Variants in BICRAL observed in about 807,000 individuals in gnomAD.
The protein encoded by BICRAL is BICRA like chromatin remodeling complex associated protein.
BICRAL carries 8 observed loss-of-function variants against 91.8 expected under a neutral mutation model. That is an observed-to-expected ratio of 0.09 (90% confidence interval 0.05 to 0.16). The LOEUF (loss-of-function observed/expected upper bound fraction) is 0.16. Ranked by LOEUF, BICRAL falls within the 10% of genes least tolerant of loss-of-function variation. The probability of loss-of-function intolerance (pLI) is 1.00; values close to 1 mark genes in which losing one functional copy is unlikely to be tolerated. For synonymous variants in BICRAL, 445 were observed against 491.1 expected (o/e 0.91, Z 1.24); for missense variants, 1,038 against 1,310.9 (o/e 0.79, Z 3.21).
At chr6:42,756,919 T>TCCCCCCCCCC (rs780265578) in intron 1 of BICRAL, among the ~76,000 whole-genome samples, 1 of 69,358 alleles carries the variant, frequency 1.4e-5, no homozygotes, top group African/African-American at 5.8e-5. Flanking sequence ...TCTCTCCCTC[T>TCCCCCCCCCC]CCCCCCCCCC....
intron 1 of BICRAL, among the ~76,000 whole-genome samples, chr6:42,750,639 G>T (rs556657942): frequency 2.6e-5 from 4 of 151,992 alleles, no homozygotes; most frequent in Admixed American, 2.6e-4. Context: ...GCAATGGCGC[G>T]ATCTCGGCTT....
At chr6:42,782,852 A>T (rs1762960892) in intron 1 of BICRAL, among the ~76,000 whole-genome samples, 1 of 151,802 alleles carries the variant, frequency 6.6e-6, no homozygotes, top group South Asian at 2.1e-4. Flanking sequence ...GGCGAGGAAG[A>T]AAAATAAGCT....
rs533007764 is a variant in BICRAL at position 42,805,121 on chromosome 6, G to A, written c.-101-5185G>A. On this transcript the variant is annotated intron_variant, in intron 1 of 12. Transcript: ENST00000314073. ...TTCAGAATTCTGGGCAGAGAATTCT[G>A]AAGACAGGCTGAGGTTGTCAGAGAA... Among the ~76,000 whole-genome samples, 5 of 152,366 alleles carry A rather than the reference G, an allele frequency of 3.3e-5. No individual in the cohort carries two copies. The South Asian group carries it at 1.0e-3, about 32-fold the overall frequency.
chr6:42,847,108 G>A (rs1426035810), intron 6 of BICRAL, among the ~76,000 whole-genome samples: 1 of 152,152 alleles, frequency 6.6e-6, no homozygotes, highest in African/African-American at 2.4e-5. Flanking sequence ...ACATTAGCCA[G>A]GTACAGTGGC....
intron 1 of BICRAL, among the ~76,000 whole-genome samples, chr6:42,749,485 C>T (rs996816493): frequency 6.6e-6 from 1 of 152,014 alleles, no homozygotes; most frequent in Non-Finnish European, 1.5e-5. Context: ...TAGCCTAATT[C>T]GAGTTAACAA....
At chr6:42,809,908 T>C (rs1363092032) in intron 1 of BICRAL, among the ~76,000 whole-genome samples, 1 of 152,172 alleles carries the variant, frequency 6.6e-6, no homozygotes, top group Non-Finnish European at 1.5e-5. Context: ...TGCCTTAGCC[T>C]CCTGAGTAGC....
In BICRAL at chr6:42,822,999, C is replaced by G. The variant is rs780210952; in HGVS notation, c.155C>G (p.Ser52Cys). ...AATTCAAATTCAATTTTCGCCAACTCTAGTGTGAGTATTGGAAACTAAATG... is the reference window on the plus strand; with the variant it reads ...AATTCAAATTCAATTTTCGCCAACTGTAGTGTGAGTATTGGAAACTAAATG... The part of the protein sequence containing the change: ...AANSNSIFAN[S>C]SNADPKSSLK... The change falls in exon 5 of 13, where the codon TCT becomes TGT. Residue 52 changes from serine to cysteine, a missense_variant. By Grantham distance (112) the Ser-to-Cys change is moderately radical. Around this residue, in one of 5 missense-constraint regions of BICRAL, gnomAD observed 115 missense variants for 121.5 expected, o/e 0.95. Transcript: ENST00000314073. The G allele has an allele frequency of 7.5e-6, 12 of 1,589,466 alleles. No homozygotes were observed. In the Admixed American group the frequency reaches 2.0e-4, roughly 27 times the overall value.
At chr6:42,856,266 G>C (rs1304575060) in intron 9 of BICRAL, among the ~76,000 whole-genome samples, 2 of 151,684 alleles carry the variant, frequency 1.3e-5, no homozygotes, top group South Asian at 2.1e-4. Context: ...CAGTGAATTG[G>C]AGATTGCGCC....
chr6:42,825,185 G>A (rs1452230483), intron 5 of BICRAL, among the ~76,000 whole-genome samples: 4 of 151,130 alleles, frequency 2.6e-5, no homozygotes, highest in African/African-American at 9.7e-5. Context: ...GCTTGAACCT[G>A]GGAGGTGGAG....
At chr6:42,857,851 C>T (rs1189387565) in intron 10 of BICRAL, among the ~76,000 whole-genome samples, 1 of 139,886 alleles carries the variant, frequency 7.1e-6, no homozygotes. Context: ...GCTCTGTCAC[C>T]CAGGTTGGAG....
At chr6:42,780,484 TTCTGTTTATCA>T (rs1330580890), upstream of BICRAL, among the ~76,000 whole-genome samples, 2 of 152,300 alleles carry the variant, frequency 1.3e-5, no homozygotes, top group South Asian at 2.1e-4. Flanking sequence ...CAGCTGAGCA[TTCTGTTTATCA>T]GCAGGATCCT....
chr6:42,853,559 C>A, intron 7 of BICRAL, 79 bp from the exon 8 acceptor site: 2 of 976,898 alleles, frequency 2.0e-6, no homozygotes, highest in Non-Finnish European at 1.7e-6. Context: ...ACAGTCTGTA[C>A]CCATTGGGTT....
chr6:42,841,393 T>C (rs1290944457), intron 6 of BICRAL, among the ~76,000 whole-genome samples: 1 of 151,994 alleles, frequency 6.6e-6, no homozygotes, highest in East Asian at 1.9e-4. Context: ...TTCACCATAT[T>C]GGCCAGGCTG....
At chr6:42,804,257 G>T (rs918760519) in intron 1 of BICRAL, among the ~76,000 whole-genome samples, 1 of 152,172 alleles carries the variant, frequency 6.6e-6, no homozygotes, top group Non-Finnish European at 1.5e-5. Flanking sequence ...CCTGACCTCA[G>T]GTGAACCGCC....
intron 1 of BICRAL, among the ~76,000 whole-genome samples, chr6:42,753,168 C>T (rs1002198379): frequency 1.3e-5 from 2 of 151,656 alleles, no homozygotes; most frequent in African/African-American, 4.8e-5. Context: ...CTCAGGTGAT[C>T]CATCCACCTC....
intron 12 of BICRAL, among the ~76,000 whole-genome samples, chr6:42,863,763 C>G (rs1241022661): frequency 6.6e-6 from 1 of 152,150 alleles, no homozygotes; most frequent in Admixed American, 6.6e-5. Context: ...GTGAGGTGCT[C>G]ACACCTGTAA....
At chr6:42,816,886 C>T (rs1473600308) in intron 2 of BICRAL, among the ~76,000 whole-genome samples, 16 of 151,624 alleles carry the variant, frequency 1.1e-4, no homozygotes, top group South Asian at 4.2e-4. Flanking sequence ...TGGTGGTGGG[C>T]GCCTGTAGTC....
intron 1 of BICRAL, among the ~76,000 whole-genome samples, chr6:42,754,151 G>A (rs1422339435): frequency 6.6e-6 from 1 of 152,008 alleles, no homozygotes; most frequent in Non-Finnish European, 1.5e-5. Context: ...AGTTTTTAAT[G>A]AGAATTTGCT....
At chr6:42,840,366 C>T (rs1764751224) in intron 6 of BICRAL, among the ~76,000 whole-genome samples, 1 of 151,886 alleles carries the variant, frequency 6.6e-6, no homozygotes, top group African/African-American at 2.4e-5. Context: ...CCTCAGCCTC[C>T]CAAGTAGCTG....
Sources: gnomAD v4.1 joint callset for allele counts (sites outside exome capture counted in the v4.1 genomes callset) on GRCh38, gnomAD v4.1.1 for gene constraint, gnomAD v4.1.1 regional missense constraint, MANE v1.5 for transcripts, NCBI Gene and HGNC (gene_info 2026-07-23, HGNC 2026-07-21) for gene names.